Variants in CNRIP1 observed in about 807,000 individuals in gnomAD.
The protein encoded by CNRIP1 is CB1 cannabinoid receptor-interacting protein 1.
Under a neutral mutation model 15.2 loss-of-function variants are expected in CNRIP1, and 10 were observed. The ratio of observed to expected loss-of-function variants is 0.66; its 90% CI spans 0.41 to 1.12. The LOEUF (loss-of-function observed/expected upper bound fraction) is 1.12, where lower values mean the gene tolerates loss of function less well. CNRIP1 is among the 50% of genes most tolerant of loss of function. CNRIP1 has a pLI of 0.00. For synonymous variants in CNRIP1, 91 were observed against 83.2 expected (o/e 1.09, Z -0.51); for missense variants, 211 against 214.7 (o/e 0.98, Z 0.11).
Position 68,293,804 on chromosome 2 carries a change from G to A in CNRIP1, c.*58C>T. 1 of 1,589,280 alleles carries A rather than the reference G, an allele frequency of 6.3e-7. No individual in the cohort carries two copies. Among genetic ancestry groups the A allele is most frequent in the Non-Finnish European group, 8.6e-7 (1 of 1,163,702 alleles). On this transcript the variant is annotated 3_prime_UTR_variant, in exon 3 of 3. Coordinates refer to ENST00000263655, the MANE Select transcript of CNRIP1 (RefSeq NM_015463.3). ...CATGCCTTGTTTAAGGCCTGCGCTG[G>A]TTTATCTAAAAGTAGATTTCTGAAA...
At chr2:68,296,387 C>T (rs1671357694) in intron 2 of CNRIP1, among the ~76,000 whole-genome samples, 1 of 152,034 alleles carries the variant, frequency 6.6e-6, no homozygotes, top group South Asian at 2.1e-4. Context: ...GACCCTGCCT[C>T]TACAAAAAAT....
intron 2 of CNRIP1, among the ~76,000 whole-genome samples, chr2:68,284,727 C>T (rs1670984759): frequency 6.7e-6 from 1 of 148,900 alleles, no homozygotes; most frequent in South Asian, 2.1e-4. Context: ...CAGAGAATCA[C>T]TTGAAGCTGG....
At chr2:68,305,518 G>A (rs1260833265) in intron 2 of CNRIP1, among the ~76,000 whole-genome samples, 4 of 151,762 alleles carry the variant, frequency 2.6e-5, no homozygotes, top group Non-Finnish European at 4.4e-5. Flanking sequence ...GAAGTAGGCC[G>A]GGGGCGGTGG....
intron 2 of CNRIP1, among the ~76,000 whole-genome samples, chr2:68,314,118 A>T (rs1289271290): frequency 6.6e-6 from 1 of 152,112 alleles, no homozygotes; most frequent in East Asian, 1.9e-4. Context: ...CTTTTTTGCT[A>T]TACTTTTCAT....
At chr2:68,285,353 C>CCAAGGACCACATTG (rs1448003646) in intron 2 of CNRIP1, among the ~76,000 whole-genome samples, 2 of 152,118 alleles carry the variant, frequency 1.3e-5, no homozygotes, top group Non-Finnish European at 2.9e-5. Context: ...TGCAGAACTG[C>CCAAGGACCACATTG]CAAGGACCAC....
chr2:68,311,087 A>G (rs1252460128), intron 2 of CNRIP1, among the ~76,000 whole-genome samples: 1 of 152,200 alleles, frequency 6.6e-6, no homozygotes, highest in Admixed American at 6.5e-5. Context: ...TTGGGGTCCT[A>G]CAAAGAAAGG....
intron 2 of CNRIP1, among the ~76,000 whole-genome samples, chr2:68,285,609 G>C (rs552435392): frequency 1.4e-5 from 2 of 141,278 alleles, no homozygotes; most frequent in African/African-American, 2.7e-5. Context: ...AGCCAACATC[G>C]CACCACTGCA....
intron 2 of CNRIP1, among the ~76,000 whole-genome samples, chr2:68,310,760 G>A (rs1467255643): frequency 1.3e-5 from 2 of 150,156 alleles, no homozygotes; most frequent in Non-Finnish European, 2.9e-5. Context: ...ACTAGAGCCA[G>A]GTGTTGGATT....
intron 2 of CNRIP1, among the ~76,000 whole-genome samples, chr2:68,296,362 T>C (rs1459669074): frequency 1.3e-5 from 2 of 152,152 alleles, no homozygotes; most frequent in African/African-American, 4.8e-5. Flanking sequence ...GAGACTAGCC[T>C]GGGCAACATA....
chr2:68,290,030 T>A (rs1407010424), downstream of CNRIP1, among the ~76,000 whole-genome samples: 1 of 144,356 alleles, frequency 6.9e-6, no homozygotes, highest in Non-Finnish European at 1.5e-5. Flanking sequence ...TGAACTTTTT[T>A]TTTTTTTTTT....
At chr2:68,302,263 C>T (rs1283263714) in intron 2 of CNRIP1, among the ~76,000 whole-genome samples, 1 of 152,164 alleles carries the variant, frequency 6.6e-6, no homozygotes, top group East Asian at 1.9e-4. Flanking sequence ...ACAGCTGTCA[C>T]GAGGACCAAC....
chr2:68,305,021 G>A (rs2103656450), intron 2 of CNRIP1, among the ~76,000 whole-genome samples: 1 of 152,112 alleles, frequency 6.6e-6, no homozygotes, highest in East Asian at 1.9e-4. Flanking sequence ...GAGGGGTGTG[G>A]ATCACCTGAG....
At position 68,293,114 on chromosome 2, in the gene CNRIP1, C is replaced by A. The variant is rs915016181; in HGVS notation, c.*748G>T. On this transcript the variant is annotated 3_prime_UTR_variant, in exon 3 of 3. Transcript: ENST00000263655. Reference sequence around the variant, plus strand: ...AGACTGTAGGGATGCCATCAATGTGCGTGTCTGAAGACTATGGAAGCTTGT... The same window carrying A: ...AGACTGTAGGGATGCCATCAATGTGAGTGTCTGAAGACTATGGAAGCTTGT... The A allele has an allele frequency of 1.0e-6, 1 of 985,440 alleles. No individual in the cohort carries two copies. The highest frequency in any genetic ancestry group is 1.2e-6 in the Non-Finnish European group (1 of 829,930). 61.0% of individuals were successfully genotyped at this position (985,440 alleles called of 1,614,324 possible).
At chr2:68,305,262 AT>A (rs1671781338) in intron 2 of CNRIP1, among the ~76,000 whole-genome samples, 1 of 32,394 alleles carries the variant, frequency 3.1e-5, no homozygotes. Flanking sequence ...AAAAAAAAAT[AT>A]ATATATATAT....
intron 1 of CNRIP1, among the ~76,000 whole-genome samples, chr2:68,318,033 T>C (rs1325019141): frequency 3.3e-5 from 5 of 150,694 alleles, no homozygotes; most frequent in African/African-American, 7.3e-5. Context: ...AAAAGAAATA[T>C]ATTAACAGAT....
chr2:68,319,224 G>T lies in CNRIP1; in HGVS notation c.177C>A (p.Val59=). 2 of 1,544,938 alleles carry T rather than the reference G, an allele frequency of 1.3e-6. No individual in the cohort carries two copies. Among genetic ancestry groups the T allele is most frequent in the South Asian group, 2.4e-5 (2 of 83,582 alleles). The change falls in exon 1 of 3, where the codon GTC becomes GTA. Residue 59 remains valine (V), a splice_region_variant and synonymous_variant. Transcript: ENST00000263655. ...GCCACCAGGCGCCCCGCACTCACTC[G>T]ACCTGCAGCGTGCTGGGTTTAATCT... The part of the protein sequence containing the change: ...EVKIKPSTLQ[V]ENISIGGVLV...
intron 2 of CNRIP1, among the ~76,000 whole-genome samples, chr2:68,294,804 G>T (rs995264386): frequency 6.6e-6 from 1 of 152,154 alleles, no homozygotes; most frequent in East Asian, 1.9e-4. Context: ...AACCATATTT[G>T]AGTATCTGCT....
Position 68,293,327 on chromosome 2 carries a change from T to G in CNRIP1, c.*535A>C. On this transcript the variant is annotated 3_prime_UTR_variant, in exon 3 of 3. Transcript: ENST00000263655. ...TCCTTCCCTGAAAGAGCGGAGCTGT[T>G]TATAGGAAGCACAACATTTGAGTCC... 1 of 986,330 alleles carries G rather than the reference T, an allele frequency of 1.0e-6. No individual in the cohort carries two copies. The highest frequency in any genetic ancestry group is 1.2e-6 in the Non-Finnish European group (1 of 830,504). The allele number at this position is 986,330 out of a possible 1,614,324, so 61.1% of individuals were successfully genotyped here. A position where few individuals can be genotyped will look rare whatever the true frequency, so the allele number is the denominator to read the frequency against.
At chr2:68,285,078 G>C (rs1172165373) in intron 2 of CNRIP1, among the ~76,000 whole-genome samples, 2 of 152,168 alleles carry the variant, frequency 1.3e-5, no homozygotes, top group Non-Finnish European at 2.9e-5. Context: ...TGTTCCCTGA[G>C]GGAGGAACAA....
Sources: allele counts gnomAD v4.1 joint callset (sites outside exome capture counted in the v4.1 genomes callset), GRCh38; gene constraint gnomAD v4.1.1; transcripts MANE v1.5; gene names NCBI Gene and HGNC (gene_info 2026-07-23, HGNC 2026-07-21).